DPH6: variants seen among roughly 807,000 people sequenced by gnomAD.
DPH6 encodes the protein diphthamine biosynthesis 6.
In DPH6, 33 loss-of-function variants were observed where a neutral mutation model predicts 38.2. The ratio of observed to expected loss-of-function variants is 0.86; its 90% CI spans 0.65 to 1.15. The LOEUF (loss-of-function observed/expected upper bound fraction) is 1.15, where lower values mean the gene tolerates loss of function less well. DPH6 is among the 50% of genes most tolerant of loss of function. The probability of loss-of-function intolerance (pLI) is 0.00; values close to 1 mark genes in which losing one functional copy is unlikely to be tolerated. For synonymous variants in DPH6, 108 were observed against 103.0 expected (o/e 1.05, Z -0.30); for missense variants, 325 against 320.0 (o/e 1.02, Z -0.12).
At chr15:35,172,566 G>GCAT in the DPH6 span, among the ~76,000 whole-genome samples, 15 of 152,164 alleles carry the variant, frequency 9.9e-5, no homozygotes, top group Non-Finnish European at 2.2e-4. Context: ...AGCATACAGA[G>GCAT]CATCATTTGT....
chr15:35,250,565 T>C (rs2051667205), intron 3 of DPH6, among the ~76,000 whole-genome samples: 1 of 152,192 alleles, frequency 6.6e-6, no homozygotes, highest in African/African-American at 2.4e-5. Context: ...ATAACTAATA[T>C]TGCTGAATAT....
intron 3 of DPH6, among the ~76,000 whole-genome samples, chr15:35,354,713 G>A (rs1484948503): frequency 6.6e-6 from 1 of 152,088 alleles, no homozygotes; most frequent in Non-Finnish European, 1.5e-5. Context: ...TTGCATTGAT[G>A]TTCATCAGGG....
At chr15:35,150,961 A>T in the DPH6 span, among the ~76,000 whole-genome samples, 1 of 152,218 alleles carries the variant, frequency 6.6e-6, no homozygotes, top group African/African-American at 2.4e-5. Flanking sequence ...CACAAATTCA[A>T]TGGCTATATC....
the DPH6 span, among the ~76,000 whole-genome samples, chr15:35,203,400 C>G: frequency 0.029 from 4,345 of 151,630 alleles, 288 homozygotes; most frequent in East Asian, 0.3. Flanking sequence ...TTTATAAGCA[C>G]TTCCAGGGTG....
chr15:35,389,749 T>C (rs375911421), intron 6 of DPH6, among the ~76,000 whole-genome samples: 2 of 152,166 alleles, frequency 1.3e-5, no homozygotes, highest in African/African-American at 2.4e-5. Flanking sequence ...GCACGTGAGA[T>C]TGGTTTCCTG....
chr15:35,152,965 C>T, the DPH6 span, among the ~76,000 whole-genome samples: 1 of 152,128 alleles, frequency 6.6e-6, no homozygotes, highest in Non-Finnish European at 1.5e-5. Context: ...GCCACAACTA[C>T]AAAAAATATC....
chr15:35,318,517 C>T (rs1187571995), intron 3 of DPH6, among the ~76,000 whole-genome samples: 2 of 152,084 alleles, frequency 1.3e-5, no homozygotes, highest in East Asian at 3.8e-4. Context: ...ATATTCTTTA[C>T]AAGTGCATAT....
At chr15:35,491,398 T>C (rs2054475935) in intron 3 of DPH6, among the ~76,000 whole-genome samples, 1 of 152,062 alleles carries the variant, frequency 6.6e-6, no homozygotes, top group African/African-American at 2.4e-5. Context: ...AGACTGTTAG[T>C]GAAATCACTG....
At chr15:35,169,217 T>C in the DPH6 span, among the ~76,000 whole-genome samples, 1 of 152,124 alleles carries the variant, frequency 6.6e-6, no homozygotes, top group Non-Finnish European at 1.5e-5. Flanking sequence ...TTCATGAAAA[T>C]GTGAATGTGT....
At chr15:35,426,759 T>C (rs2053574778) in intron 5 of DPH6, among the ~76,000 whole-genome samples, 1 of 151,218 alleles carries the variant, frequency 6.6e-6, no homozygotes, top group South Asian at 2.1e-4. Flanking sequence ...GTAAAAAGTT[T>C]AAAGAACCAT....
the DPH6 span, among the ~76,000 whole-genome samples, chr15:35,151,987 T>C: frequency 3.3e-5 from 5 of 152,314 alleles, no homozygotes; most frequent in East Asian, 1.9e-4. Context: ...TGTCACTCAC[T>C]GAGTCATAAA....
At chr15:35,148,572 C>T in the DPH6 span, among the ~76,000 whole-genome samples, 6 of 152,112 alleles carry the variant, frequency 3.9e-5, no homozygotes, top group Non-Finnish European at 7.4e-5. Context: ...TCCTTTTCTA[C>T]TCATACTTAG....
intron 6 of DPH6, among the ~76,000 whole-genome samples, chr15:35,398,342 G>T (rs947584103): frequency 3.9e-5 from 6 of 152,178 alleles, no homozygotes; most frequent in African/African-American, 1.4e-4. Flanking sequence ...TAGAGGGTTG[G>T]AACTTATAGC....
At chr15:35,456,964 TTTTA>T (rs1243490435) in intron 3 of DPH6, among the ~76,000 whole-genome samples, 1 of 151,984 alleles carries the variant, frequency 6.6e-6, no homozygotes, top group African/African-American at 2.4e-5. Flanking sequence ...TATTTTTAAT[TTTTA>T]TTTATTTACT....
chr15:35,496,450 G>A (rs1023740702), intron 3 of DPH6, among the ~76,000 whole-genome samples: 140 of 150,342 alleles, frequency 9.3e-4, no homozygotes, highest in African/African-American at 3.3e-3. Flanking sequence ...AGCTACTTGG[G>A]AGGTTGAGGC....
the DPH6 span, among the ~76,000 whole-genome samples, chr15:35,185,028 T>C: frequency 6.6e-6 from 1 of 152,006 alleles, no homozygotes; most frequent in East Asian, 1.9e-4. Flanking sequence ...TAGACTTGAA[T>C]TGAAAGTGAA....
At chr15:35,491,514 T>C (rs1273749741) in intron 3 of DPH6, among the ~76,000 whole-genome samples, 1 of 150,112 alleles carries the variant, frequency 6.7e-6, no homozygotes, top group Admixed American at 6.7e-5. Flanking sequence ...GGTTATATTA[T>C]TCAGGTTCTC....
At chr15:35,473,913 AGTGTGTGTGT>A (rs58549209) in intron 3 of DPH6, among the ~76,000 whole-genome samples, 1,353 of 126,864 alleles carry the variant, frequency 0.011, 24 homozygotes, top group African/African-American at 0.032. Flanking sequence ...CACTGTGCAC[AGTGTGTGTGT>A]GTGTGTGTGT....
downstream of DPH6, among the ~76,000 whole-genome samples, chr15:35,329,708 T>A (rs924602403): frequency 6.6e-6 from 1 of 152,164 alleles, no homozygotes; most frequent in Non-Finnish European, 1.5e-5. Context: ...TTTCTTCAGA[T>A]GACAGCATCG....
Sources: allele counts gnomAD v4.1 joint callset (sites outside exome capture counted in the v4.1 genomes callset), GRCh38; gene constraint gnomAD v4.1.1; transcripts MANE v1.5; gene names NCBI Gene and HGNC (gene_info 2026-07-23, HGNC 2026-07-21).